Variants in PRPSAP1 observed in about 807,000 individuals in gnomAD.
The protein encoded by PRPSAP1 is phosphoribosyl pyrophosphate synthase-associated protein 1.
A neutral mutation model predicts 39.4 loss-of-function variants in PRPSAP1; 31 were observed. The observed-to-expected ratio is 0.79, with a 90% CI of 0.59 to 1.06. PRPSAP1 has a LOEUF of 1.06. Ranked by LOEUF, PRPSAP1 falls within the 50% of genes least tolerant of loss-of-function variation. The probability of loss-of-function intolerance (pLI) is 0.00; values close to 1 mark genes in which losing one functional copy is unlikely to be tolerated. For synonymous variants in PRPSAP1, 212 were observed against 192.6 expected, an observed-to-expected ratio of 1.10 and a Z score of -0.83; for missense variants, 430 against 511.6, an observed-to-expected ratio of 0.84 and a Z score of 1.54.
intron 2 of PRPSAP1, chr17:76,345,779 C>T (rs182647582): frequency 3.4e-5 from 10 of 296,476 alleles, no homozygotes; most frequent in South Asian, 1.8e-4. Flanking sequence ...GAGCGCAGTC[C>T]GTGCACCGCC....
intron 2 of PRPSAP1, among the ~76,000 whole-genome samples, chr17:76,344,976 C>T (rs1432973551): frequency 1.3e-5 from 2 of 152,028 alleles, no homozygotes; most frequent in East Asian, 3.9e-4. Flanking sequence ...TGGCTCACGC[C>T]TGTAATCCCA....
intron 7 of PRPSAP1, among the ~76,000 whole-genome samples, chr17:76,324,253 G>A (rs940751719): frequency 3.3e-5 from 5 of 151,914 alleles, no homozygotes; most frequent in Non-Finnish European, 7.4e-5. Flanking sequence ...TGTGAGATGT[G>A]CCATCCTTGA....
At chr17:76,352,644 C>CAAAA (rs55986677) in intron 1 of PRPSAP1, among the ~76,000 whole-genome samples, 30 of 53,510 alleles carry the variant, frequency 5.6e-4, no homozygotes, top group African/African-American at 9.3e-4. Flanking sequence ...GACTCCGTCT[C>CAAAA]AAAAAAAAAA....
chr17:76,349,774 T>A (rs565465906), intron 1 of PRPSAP1, among the ~76,000 whole-genome samples: 1 of 150,836 alleles, frequency 6.6e-6, no homozygotes, highest in Non-Finnish European at 1.5e-5. Flanking sequence ...AAAATAATAA[T>A]AAAAAAAATA....
rs1375891044 is a variant in PRPSAP1 at position 76,353,785 on chromosome 17, G to T, written c.-82C>A. On this transcript the variant is annotated 5_prime_UTR_variant, in exon 1 of 10. Coordinates refer to ENST00000446526, the MANE Select transcript of PRPSAP1 (RefSeq NM_002766.3). ...TTCCGACTGCGAGACCCCGGTTTGG[G>T]TGGGGAAGGCGCTGAGAAACTCGGC... 1.4e-6 allele frequency: 2 copies of T among 1,393,496 alleles called. No homozygotes were observed. The highest frequency in any genetic ancestry group is 1.8e-6 in the Non-Finnish European group (2 of 1,082,556). 86.3% of individuals were successfully genotyped at this position (1,393,496 alleles called of 1,614,324 possible). A position where few individuals can be genotyped will look rare whatever the true frequency, so the allele number is the denominator to read the frequency against.
chr17:76,319,025 C>T (rs1038149942), intron 7 of PRPSAP1, among the ~76,000 whole-genome samples: 146 of 152,118 alleles, frequency 9.6e-4, no homozygotes, highest in African/African-American at 3.1e-3. Context: ...CTGCAACCTC[C>T]GCCTCCCAGG....
chr17:76,353,977 TCTCGGATGAGGGCAGGGAGCCTGGCGA>T (rs2071615406), upstream of PRPSAP1: 1 of 1,283,612 alleles, frequency 7.8e-7, no homozygotes, highest in East Asian at 3.4e-5. Context: ...CAGGCCGCCA[TCTCGGATGAGGGCAGGGAGCCTGGCGA>T]CTCTCTAAAA....
At chr17:76,336,437 CAA>C (rs71161286) in intron 3 of PRPSAP1, among the ~76,000 whole-genome samples, 2 of 132,622 alleles carry the variant, frequency 1.5e-5, no homozygotes, top group Non-Finnish European at 3.1e-5. Context: ...GAATCTTTCT[CAA>C]AAAAAAAAAA....
intron 2 of PRPSAP1, among the ~76,000 whole-genome samples, chr17:76,347,587 G>A (rs1452059748): frequency 6.6e-6 from 1 of 151,494 alleles, no homozygotes; most frequent in Non-Finnish European, 1.5e-5. Context: ...GCAGGACTCT[G>A]GATTTCATTT....
upstream of PRPSAP1, chr17:76,354,026 C>T (rs2071616304): frequency 8.8e-7 from 1 of 1,136,464 alleles, no homozygotes; most frequent in Non-Finnish European, 1.1e-6. Context: ...CCTGTTCTTC[C>T]GAGGGGCATG....
chr17:76,340,168 T>C (rs1405093221), intron 3 of PRPSAP1, among the ~76,000 whole-genome samples: 1 of 138,902 alleles, frequency 7.2e-6, no homozygotes, highest in Non-Finnish European at 1.5e-5. Context: ...AAAAAAAGAA[T>C]AGAGACAGGG....
chr17:76,313,067 T>C (rs764138591), intron 8 of PRPSAP1, 51 bp from the exon 9 acceptor site: 11 of 1,584,518 alleles, frequency 6.9e-6, no homozygotes, highest in East Asian at 2.2e-5. Context: ...CTCTAGCCCA[T>C]ACTGTCAATG....
chr17:76,326,176 T>C (rs1048121296), intron 7 of PRPSAP1, among the ~76,000 whole-genome samples: 1 of 152,092 alleles, frequency 6.6e-6, no homozygotes, highest in Non-Finnish European at 1.5e-5. Context: ...CATACTGATA[T>C]AAATGAAGAA....
intron 3 of PRPSAP1, among the ~76,000 whole-genome samples, chr17:76,342,416 A>G (rs2071449512): frequency 6.6e-6 from 1 of 152,132 alleles, no homozygotes; most frequent in South Asian, 2.1e-4. Context: ...AAATGTGTCA[A>G]AGTTTTCAAA....
chr17:76,323,524 G>A (rs1195102546), intron 7 of PRPSAP1, among the ~76,000 whole-genome samples: 4 of 151,952 alleles, frequency 2.6e-5, no homozygotes, highest in Non-Finnish European at 5.9e-5. Flanking sequence ...GGAAGAAGTT[G>A]ATTCTAACCC....
chr17:76,345,170 G>A, intron 2 of PRPSAP1, among the ~76,000 whole-genome samples: 1 of 145,234 alleles, frequency 6.9e-6, no homozygotes, highest in African/African-American at 2.5e-5. Context: ...GGGAGGCAGA[G>A]CTTGCAGTGA....
intron 1 of PRPSAP1, among the ~76,000 whole-genome samples, chr17:76,351,639 A>G (rs1198730814): frequency 1.3e-5 from 2 of 152,218 alleles, no homozygotes; most frequent in African/African-American, 2.4e-5. Context: ...GTAAGCCGAG[A>G]TGGCACCACT....
chr17:76,330,295 T>C, intron 5 of PRPSAP1, 197 bp from the exon 6 acceptor site: 1 of 590,598 alleles, frequency 1.7e-6, no homozygotes, highest in Non-Finnish European at 2.9e-6. Flanking sequence ...AAGAATTTTT[T>C]AAAAATAATT....
At position 76,311,522 on chromosome 17, in the gene PRPSAP1, G is replaced by A; in HGVS notation, c.*20C>T. ...TCCATGTTTCCCTCAGGAGGTCCAG[G>A]GTCGAGACCCTCGTGAAAGCTAGTC... On this transcript the variant is annotated 3_prime_UTR_variant, in exon 10 of 10. Transcript: ENST00000446526. The A allele has an allele frequency of 6.2e-7, 1 of 1,608,784 alleles. No individual in the cohort carries two copies. The highest frequency in any genetic ancestry group is 8.5e-7 in the Non-Finnish European group (1 of 1,177,606).
Sources: gnomAD v4.1 joint callset for allele counts (sites outside exome capture counted in the v4.1 genomes callset) on GRCh38, gnomAD v4.1.1 for gene constraint, MANE v1.5 for transcripts, NCBI Gene and HGNC (gene_info 2026-07-23, HGNC 2026-07-21) for gene names.